The following SLC9A1 variants were observed in gnomAD, a reference collection of about 807,000 sequenced individuals.
SLC9A1 encodes the protein solute carrier family 9 member A1, also known as sodium/hydrogen exchanger 1.
A neutral mutation model predicts 67.9 loss-of-function variants in SLC9A1; 22 were observed. The observed-to-expected ratio is 0.32, with a 90% CI of 0.23 to 0.46. The LOEUF (loss-of-function observed/expected upper bound fraction) is 0.46, where lower values mean the gene tolerates loss of function less well. Ranked by LOEUF, SLC9A1 falls within the 20% of genes least tolerant of loss-of-function variation. The probability of loss-of-function intolerance (pLI) is 1.00; values close to 1 mark genes in which losing one functional copy is unlikely to be tolerated. For synonymous variants in SLC9A1, 421 were observed against 471.8 expected (o/e 0.89, Z 1.40); for missense variants, 686 against 1,094.8 (o/e 0.63, Z 5.27).
At chr1:27,146,857 C>A (rs1374876112) in intron 1 of SLC9A1, among the ~76,000 whole-genome samples, 1 of 152,176 alleles carries the variant, frequency 6.6e-6, no homozygotes, top group African/African-American at 2.4e-5. Context: ...AATTACCGGA[C>A]GGGTGCAGTG....
At chr1:27,105,497 C>T (rs1206242072) in intron 5 of SLC9A1, 5 of 566,042 alleles carry the variant, frequency 8.8e-6, no homozygotes, top group Non-Finnish European at 1.3e-5. Flanking sequence ...GGGGTTTCAC[C>T]ATGTTAGTCA....
In SLC9A1 at chr1:27,109,699, A is replaced by G; in HGVS notation, c.892T>C (p.Phe298Leu). 1 of 1,614,062 alleles carries G rather than the reference A, an allele frequency of 6.2e-7. No homozygotes were observed. Among genetic ancestry groups the G allele is most frequent in the Non-Finnish European group, 8.5e-7 (1 of 1,180,028 alleles). Reference protein sequence around the residue: ...IVDIFLGFLSFFVVALGGVLV... With the variant: ...IVDIFLGFLSLFVVALGGVLV... ...ACCCCGCCCAGGGCCACCACGAAGA[A>G]GCTCAGGAAGCCGAGGAAGATGTCC... The change falls in exon 3 of 12, where the codon TTC becomes CTC. Residue 298 changes from phenylalanine to leucine, a missense_variant. By Grantham distance (22) the Phe-to-Leu change is conservative. Around this residue, in one of 7 missense-constraint regions of SLC9A1, gnomAD observed 58 missense variants for 68.9 expected, o/e 0.84. Coordinates refer to ENST00000263980, the MANE Select transcript of SLC9A1 (RefSeq NM_003047.5). The surrounding 1 kb of genome is among the most constrained non-coding windows in gnomAD (Gnocchi z 5.5).
At chr1:27,131,512 G>A (rs1340161425) in intron 1 of SLC9A1, among the ~76,000 whole-genome samples, 2 of 150,988 alleles carry the variant, frequency 1.3e-5, no homozygotes, top group Admixed American at 1.3e-4. Flanking sequence ...TACTTTGGGA[G>A]GCCAAGGTGG....
At chr1:27,107,920 C>T in intron 3 of SLC9A1, 55 bp from the exon 4 acceptor site, 1 of 1,343,502 alleles carries the variant, frequency 7.4e-7, no homozygotes, top group Non-Finnish European at 1.0e-6. Context: ...CCTGCTCGAG[C>T]CCCTCCACTG....
intron 1 of SLC9A1, among the ~76,000 whole-genome samples, chr1:27,127,948 G>T (rs1279816527): frequency 1.3e-5 from 2 of 152,226 alleles, no homozygotes; most frequent in Non-Finnish European, 2.9e-5. Context: ...TGAACAAGCC[G>T]TTGCTTCTCT....
intron 4 of SLC9A1, 145 bp downstream of exon 4, chr1:27,107,501 TTA>T (rs1432150242): frequency 3.0e-6 from 2 of 660,734 alleles, no homozygotes; most frequent in Non-Finnish European, 2.7e-6. Context: ...CACACAATAC[TTA>T]TACACTGCAC....
At chr1:27,141,257 T>A (rs2083451574) in intron 1 of SLC9A1, among the ~76,000 whole-genome samples, 1 of 152,180 alleles carries the variant, frequency 6.6e-6, no homozygotes, top group Non-Finnish European at 1.5e-5. Flanking sequence ...TTGCCCAAGG[T>A]CACGGTGCTA....
intron 1 of SLC9A1, among the ~76,000 whole-genome samples, chr1:27,141,212 A>C (rs2083451183): frequency 6.6e-6 from 1 of 152,212 alleles, no homozygotes; most frequent in Non-Finnish European, 1.5e-5. Context: ...AAAATAAAAA[A>C]TTAAAAAAAA....
chr1:27,140,812 T>TA (rs1209079821), intron 1 of SLC9A1, among the ~76,000 whole-genome samples: 1 of 152,148 alleles, frequency 6.6e-6, no homozygotes, highest in Non-Finnish European at 1.5e-5. Context: ...TGGGGTAACA[T>TA]AACATAAATG....
Position 27,114,033 on chromosome 1 carries a change from G to T in SLC9A1, c.606C>A (p.Phe202Leu). 6.2e-7 allele frequency: 1 copy of T among 1,614,134 alleles called. No homozygotes were observed. The highest frequency in any genetic ancestry group is 8.5e-7 in the Non-Finnish European group (1 of 1,180,048). ...CGGCGTACATGAGGCCGCCCAGGAAGAAGGCGTTCCACAGCGTGCCCACCA... is the reference window on the plus strand; with the variant it reads ...CGGCGTACATGAGGCCGCCCAGGAATAAGGCGTTCCACAGCGTGCCCACCA... ...FAVVGTLWNA[F>L]FLGGLMYAVC... The change falls in exon 2 of 12, where the codon TTC (phenylalanine) becomes TTA (leucine). Residue 202 changes from phenylalanine to leucine, a missense_variant. Around this residue, in one of 7 missense-constraint regions of SLC9A1, gnomAD observed 49 missense variants for 73.1 expected, o/e 0.67. Coordinates refer to ENST00000263980, the MANE Select transcript of SLC9A1 (RefSeq NM_003047.5). The surrounding 1 kb of genome is among the most constrained non-coding windows in gnomAD (Gnocchi z 5.4).
chr1:27,102,056 C>T lies in SLC9A1; in HGVS notation c.1895G>A (p.Arg632His), dbSNP rs746382284. 24 of 1,613,818 alleles carry T rather than the reference C, an allele frequency of 1.5e-5. No homozygotes were observed. Among genetic ancestry groups the T allele is most frequent in the South Asian group, 1.4e-4 (13 of 91,082 alleles). The change falls in exon 9 of 12, where the codon CGC becomes CAC. Residue 632 changes from arginine to histidine, a missense_variant. By Grantham distance (29) the Arg-to-His change is conservative. Coordinates refer to ENST00000263980, the MANE Select transcript of SLC9A1 (RefSeq NM_003047.5). ...CTGCAAGTTGTTCCTCAGGATTTTG[C>T]GGATCTCCTCCTCCTTGTCCTTGGA... ...ALSKDKEEEI[R>H]KILRNNLQKT...
intron 1 of SLC9A1, among the ~76,000 whole-genome samples, chr1:27,140,932 G>A (rs544190971): frequency 1.3e-5 from 2 of 152,282 alleles, no homozygotes; most frequent in East Asian, 3.9e-4. Flanking sequence ...CACAGCCCAG[G>A]CACGGCAGCT....
chr1:27,111,093 G>C (rs1570853274), intron 2 of SLC9A1, among the ~76,000 whole-genome samples: 1 of 152,208 alleles, frequency 6.6e-6, no homozygotes, highest in Non-Finnish European at 1.5e-5. Context: ...GGCAGCAAGG[G>C]GAGATGCAGA....
At chr1:27,115,389 G>A (rs2083257738) in intron 1 of SLC9A1, among the ~76,000 whole-genome samples, 1 of 151,778 alleles carries the variant, frequency 6.6e-6, no homozygotes. Context: ...GCTCCTGTGA[G>A]TGGTTTACTT....
intron 3 of SLC9A1, 32 bp from the exon 4 acceptor site, chr1:27,107,897 G>A (rs892610484): frequency 1.5e-5 from 23 of 1,490,542 alleles, no homozygotes; most frequent in South Asian, 2.4e-5. Context: ...TCAGGGCTCC[G>A]TGTCGAGCTG....
chr1:27,105,678 C>T, intron 5 of SLC9A1: 1 of 713,184 alleles, frequency 1.4e-6, no homozygotes, highest in Admixed American at 2.0e-5. Context: ...TGATCAGTCA[C>T]TCTGCAATGA....
At chr1:27,135,992 T>C (rs1557430616) in intron 1 of SLC9A1, among the ~76,000 whole-genome samples, 1 of 152,368 alleles carries the variant, frequency 6.6e-6, no homozygotes. Context: ...TACAGGCATA[T>C]AGCAGGCAGG....
At position 27,101,385 on chromosome 1, in the gene SLC9A1, T is replaced by C; in HGVS notation, c.2038-110A>G. Reference sequence around the variant, plus strand: ...CCTTTCGTATATGCAGGGCGCTTGCTCCCCCTCCCTTGTGCCTGTGTGGGC... The same window carrying C: ...CCTTTCGTATATGCAGGGCGCTTGCCCCCCCTCCCTTGTGCCTGTGTGGGC... On this transcript the variant is annotated intron_variant, in intron 10 of 11. Transcript: ENST00000263980. The surrounding 1 kb of genome is among the most constrained non-coding windows in gnomAD (Gnocchi z 4.9). The C allele has an allele frequency of 2.5e-6, 2 of 813,738 alleles. No individual in the cohort carries two copies. Among genetic ancestry groups the C allele is most frequent in the Non-Finnish European group, 2.0e-6 (1 of 496,658 alleles). 50.4% of individuals were successfully genotyped at this position (813,738 alleles called of 1,614,324 possible).
chr1:27,116,297 T>C (rs1262506296), intron 1 of SLC9A1, among the ~76,000 whole-genome samples: 1 of 151,992 alleles, frequency 6.6e-6, no homozygotes, highest in African/African-American at 2.4e-5. Context: ...GAGGTAGAAG[T>C]TGCAGTGAGC....
Sources: allele counts gnomAD v4.1 joint callset (sites outside exome capture counted in the v4.1 genomes callset), GRCh38; gene constraint gnomAD v4.1.1; regional missense constraint gnomAD v4.1.1; non-coding constraint Gnocchi (gnomAD v3.1); transcripts MANE v1.5; gene names NCBI Gene and HGNC (gene_info 2026-07-23, HGNC 2026-07-21).